NR2F1-AS1: variants seen among roughly 807,000 people sequenced by gnomAD.
NR2F1-AS1 encodes the protein NR2F1 antisense RNA 1.
Position 93,579,630 on chromosome 5 carries a change from C to A in NR2F1-AS1, n.313+837G>T, listed in dbSNP as rs990536931. Among the ~76,000 whole-genome samples the A allele has an allele frequency of 2.6e-5, 4 of 152,026 alleles. No individual in the cohort carries two copies. Among genetic ancestry groups the A allele is most frequent in the Non-Finnish European group, 4.4e-5 (3 of 67,968 alleles). On this transcript the variant is annotated intron_variant and non_coding_transcript_variant, in intron 1 of 5. Transcript: ENST00000660523. The surrounding 1 kb of genome is among the most constrained non-coding windows in gnomAD (Gnocchi z 5.1). ...GGTGCAGTCCCCAGCATCGGCTGCC[C>A]CCGCCCCCCGCGCGCCCTCTGACGC...
At chr5:93,575,023 G>T (rs894996451) in intron 1 of NR2F1-AS1, among the ~76,000 whole-genome samples, 7 of 152,250 alleles carry the variant, frequency 4.6e-5, no homozygotes, top group African/African-American at 1.7e-4. Context: ...GCCTGGGGGG[G>T]TGTCCCCCAA....
chr5:93,419,068 T>C (rs1749030547), intron 4 of NR2F1-AS1, among the ~76,000 whole-genome samples: 1 of 152,240 alleles, frequency 6.6e-6, no homozygotes, highest in African/African-American at 2.4e-5. Context: ...CCATGTTCAC[T>C]ACAGTGTTAT....
intron 4 of NR2F1-AS1, among the ~76,000 whole-genome samples, chr5:93,429,914 A>G (rs17083160): frequency 0.03 from 4,544 of 152,302 alleles, 216 homozygotes; most frequent in African/African-American, 0.1. Context: ...ATGGAAGCAT[A>G]TCTGTACACA....
chr5:93,485,123 A>T (rs2149877121), intron 4 of NR2F1-AS1, among the ~76,000 whole-genome samples: 1 of 152,304 alleles, frequency 6.6e-6, no homozygotes, highest in Admixed American at 6.5e-5. Flanking sequence ...CCTAATAGAC[A>T]CCTACAGAAC....
At chr5:93,578,242 A>G (rs181988812) in intron 1 of NR2F1-AS1, among the ~76,000 whole-genome samples, 1 of 152,242 alleles carries the variant, frequency 6.6e-6, no homozygotes, top group East Asian at 1.9e-4. Context: ...CCAGATCACA[A>G]TTTACTGGGT....
chr5:93,426,038 A>C (rs916608632), intron 4 of NR2F1-AS1, among the ~76,000 whole-genome samples: 2 of 150,766 alleles, frequency 1.3e-5, no homozygotes, highest in Non-Finnish European at 3.0e-5. Flanking sequence ...GATCCATCTC[A>C]CCTAATTTTT....
chr5:93,499,235 G>T (rs948514370), intron 4 of NR2F1-AS1, among the ~76,000 whole-genome samples: 1 of 152,024 alleles, frequency 6.6e-6, no homozygotes, highest in Admixed American at 6.6e-5. Context: ...TACAGAAAAC[G>T]GTGACACATG....
At chr5:93,466,842 A>G (rs1185566424) in intron 4 of NR2F1-AS1, among the ~76,000 whole-genome samples, 1 of 136,036 alleles carries the variant, frequency 7.4e-6, no homozygotes, top group Non-Finnish European at 1.5e-5. Flanking sequence ...AGGAATACTG[A>G]ATGCTTTGGG....
chr5:93,491,680 C>T (rs1026340543), intron 4 of NR2F1-AS1, among the ~76,000 whole-genome samples: 1 of 152,092 alleles, frequency 6.6e-6, no homozygotes, highest in Non-Finnish European at 1.5e-5. Flanking sequence ...GGTGGGAGAG[C>T]AAATGTTCTC....
chr5:93,428,568 C>G (rs1165723886), intron 4 of NR2F1-AS1, among the ~76,000 whole-genome samples: 3 of 152,098 alleles, frequency 2.0e-5, no homozygotes, highest in African/African-American at 7.2e-5. Context: ...TCCAATGGAT[C>G]TGTTTCCAGT....
intron 4 of NR2F1-AS1, among the ~76,000 whole-genome samples, chr5:93,438,099 G>A (rs1312509811): frequency 6.6e-6 from 1 of 152,184 alleles, no homozygotes; most frequent in African/African-American, 2.4e-5. Flanking sequence ...CCTCTTATAA[G>A]ATTGGGAGGA....
chr5:93,546,071 T>C (rs1752078370), intron 4 of NR2F1-AS1, among the ~76,000 whole-genome samples: 1 of 152,188 alleles, frequency 6.6e-6, no homozygotes, highest in African/African-American at 2.4e-5. Context: ...TGTATAACTG[T>C]GGGCAAGTTA....
intron 1 of NR2F1-AS1, among the ~76,000 whole-genome samples, chr5:93,575,647 T>C (rs1447592916): frequency 6.6e-6 from 1 of 152,196 alleles, no homozygotes; most frequent in Non-Finnish European, 1.5e-5. Context: ...CTCCTGTCAC[T>C]GTGACTTCCA....
intron 4 of NR2F1-AS1, among the ~76,000 whole-genome samples, chr5:93,508,001 T>C (rs1188460874): frequency 6.6e-6 from 1 of 152,134 alleles, no homozygotes; most frequent in Non-Finnish European, 1.5e-5. Flanking sequence ...ACATATACCA[T>C]GTTGGTAGAT....
intron 4 of NR2F1-AS1, among the ~76,000 whole-genome samples, chr5:93,444,953 G>A (rs1376520945): frequency 6.6e-6 from 1 of 152,110 alleles, no homozygotes; most frequent in South Asian, 2.1e-4. Context: ...AATGACTATT[G>A]GGTACATAAC....
At chr5:93,468,495 T>C (rs1179093985) in intron 4 of NR2F1-AS1, among the ~76,000 whole-genome samples, 1 of 152,094 alleles carries the variant, frequency 6.6e-6, no homozygotes, top group Non-Finnish European at 1.5e-5. Context: ...TTTGATGGGG[T>C]TGTTTTTTTC....
rs542917714 is a variant in NR2F1-AS1 at position 93,431,400 on chromosome 5, T to C, written n.639-35858A>G. On this transcript the variant is annotated intron_variant and non_coding_transcript_variant, in intron 4 of 5. Transcript: ENST00000660523. Reference sequence around the variant, plus strand: ...TAGACGGATTTGTGTTTATGATTGATTGAGGTAACTGATTATCCACAGATA... The same window carrying C: ...TAGACGGATTTGTGTTTATGATTGACTGAGGTAACTGATTATCCACAGATA... Among the ~76,000 whole-genome samples, 5 of 152,292 alleles carry C rather than the reference T, an allele frequency of 3.3e-5. No individual in the cohort carries two copies. The East Asian group carries it at 7.7e-4, about 24-fold the overall frequency.
intron 4 of NR2F1-AS1, among the ~76,000 whole-genome samples, chr5:93,552,597 T>G (rs954435428): frequency 2.0e-5 from 3 of 150,890 alleles, no homozygotes; most frequent in Non-Finnish European, 2.9e-5. Context: ...TCAGTGAGCA[T>G]CAGTCCTACA....
chr5:93,566,545 C>T (rs1426122897), intron 1 of NR2F1-AS1, among the ~76,000 whole-genome samples: 3 of 152,002 alleles, frequency 2.0e-5, no homozygotes, highest in Non-Finnish European at 4.4e-5. Flanking sequence ...GCTACCACTG[C>T]TTTCAGAACA....
Sources: allele counts gnomAD v4.1 joint callset (sites outside exome capture counted in the v4.1 genomes callset), GRCh38; gene constraint gnomAD v4.1.1; non-coding constraint Gnocchi (gnomAD v3.1); transcripts MANE v1.5; gene names NCBI Gene and HGNC (gene_info 2026-07-23, HGNC 2026-07-21).